Variants in COL6A2 observed in about 807,000 individuals in gnomAD.
COL6A2 encodes collagen alpha-2(VI) chain.
In COL6A2, 90 loss-of-function variants were observed where a neutral mutation model predicts 124.9. The observed-to-expected ratio is 0.72, with a 90% CI of 0.61 to 0.86. COL6A2 has a LOEUF of 0.86. COL6A2 is among the 40% of genes least tolerant of loss of function. COL6A2 has a pLI of 0.00. For missense variants in COL6A2, 1,607 were observed against 1,502.5 expected, an observed-to-expected ratio of 1.07 and a Z score of -1.15; for synonymous variants, 793 against 618.2, an observed-to-expected ratio of 1.28 and a Z score of -4.19.
chr21:46,103,508 T>G (rs2078308034), intron 1 of COL6A2, among the ~76,000 whole-genome samples: 1 of 152,190 alleles, frequency 6.6e-6, no homozygotes, highest in Admixed American at 6.5e-5. Flanking sequence ...AAGCTCCTAT[T>G]TGAGACCTGT....
At position 46,117,502 on chromosome 21, in the gene COL6A2, G is replaced by A. The variant is rs752462023; in HGVS notation, c.1053+49G>A. 5 of 1,584,410 alleles carry A rather than the reference G, an allele frequency of 3.2e-6. No individual in the cohort carries two copies. The Admixed American group carries it at 6.7e-5, about 21-fold the overall frequency. On this transcript the variant is annotated intron_variant, in intron 11 of 27. Coordinates refer to ENST00000300527, the MANE Select transcript of COL6A2 (RefSeq NM_001849.4). ...TTCAGCCTCGGCCCAGGGGGTGTGG[G>A]TGCCTGACCGGGTGGGAGGGTAGTT...
chr21:46,116,960 CT>C lies in COL6A2; in HGVS notation c.999+148del, dbSNP rs2078482408. 24 of 799,410 alleles carry C rather than the reference CT, an allele frequency of 3.0e-5. No homozygotes were observed. In the South Asian group the frequency reaches 3.7e-4, roughly 12 times the overall value. 49.5% of individuals were successfully genotyped at this position (799,410 alleles called of 1,614,324 possible). A position where few individuals can be genotyped will look rare whatever the true frequency, so the allele number is the denominator to read the frequency against. Reference sequence around the variant, plus strand: ...ACACACACACACACACACACACGAACTTCAGCTCCTGCCACATCCCACTGCC... The same window carrying C: ...ACACACACACACACACACACACGAACTCAGCTCCTGCCACATCCCACTGCC... On this transcript the variant is annotated intron_variant, in intron 10 of 27. Transcript: ENST00000300527. This position sits in a 1 kb window ranked among gnomAD's most constrained non-coding sequence, Gnocchi z 4.6.
intron 25 of COL6A2, 57 bp from the exon 26 acceptor site, chr21:46,125,728 T>A (rs552437497): frequency 6.2e-7 from 1 of 1,601,670 alleles, no homozygotes; most frequent in East Asian, 2.2e-5. Flanking sequence ...TCTGCATGGC[T>A]GGGGATGCCC....
intron 16 of COL6A2, 107 bp downstream of exon 16, chr21:46,120,684 C>A: frequency 9.0e-7 from 1 of 1,110,590 alleles, no homozygotes; most frequent in Non-Finnish European, 1.3e-6. Flanking sequence ...GGTAGGGGAC[C>A]CGGGTGGGTG....
Position 46,132,166 on chromosome 21 carries a change from T to G in COL6A2, c.2674T>G (p.Phe892Val). Reference protein sequence around the residue: ...FGGPGEQQVAFPLSHNLTAIH... With the variant: ...FGGPGEQQVAVPLSHNLTAIH... ...TGGCCCCGGCGAGCAGCAGGTGGCC[T>G]TCCCGCTGAGCCACAACCTCACGGC... The change falls in exon 28 of 28, where the codon TTC becomes GTC. Residue 892 changes from phenylalanine to valine, a missense_variant. Phe to Val is a conservative substitution (Grantham distance 50, BLOSUM62 -1). Coordinates refer to ENST00000300527, the MANE Select transcript of COL6A2 (RefSeq NM_001849.4). 6.4e-7 allele frequency: 1 copy of G among 1,570,084 alleles called. No individual in the cohort carries two copies. Among genetic ancestry groups the G allele is most frequent in the Non-Finnish European group, 8.6e-7 (1 of 1,159,146 alleles).
intron 1 of COL6A2, among the ~76,000 whole-genome samples, chr21:46,110,608 G>A (rs1056389252): frequency 3.9e-5 from 6 of 152,092 alleles, no homozygotes; most frequent in African/African-American, 1.4e-4. Context: ...GCCCTCTCCT[G>A]GCAGCGCCTC....
chr21:46,118,709 G>A (rs1012368767), intron 13 of COL6A2, 33 bp downstream of exon 13: 4 of 1,593,742 alleles, frequency 2.5e-6, no homozygotes, highest in Non-Finnish European at 3.4e-6. Context: ...CTGCAGCTGA[G>A]CTGGCCACAC....
chr21:46,117,344 C>T (rs376525657), intron 10 of COL6A2, 56 bp from the exon 11 acceptor site: 287 of 1,556,118 alleles, frequency 1.8e-4, no homozygotes, highest in Non-Finnish European at 2.5e-4. Flanking sequence ...TGGTCGTTGG[C>T]ACACATGGAC....
At position 46,115,523 on chromosome 21, in the gene COL6A2, C is replaced by T. The variant is rs563147023; in HGVS notation, c.802-349C>T. ...GAATTAATCTTTGTAGTGACGGTGA[C>T]CCAGGCATCGCTGGAGAATCAGAGC... On this transcript the variant is annotated intron_variant, in intron 5 of 27. Coordinates refer to ENST00000300527, the MANE Select transcript of COL6A2 (RefSeq NM_001849.4). 3.9e-5 allele frequency among the ~76,000 whole-genome samples: 6 copies of T among 152,324 alleles called. No individual in the cohort carries two copies. In the East Asian group the frequency reaches 1.2e-3, roughly 29 times the overall value.
intron 1 of COL6A2, among the ~76,000 whole-genome samples, chr21:46,108,598 T>A (rs2078360884): frequency 1.3e-5 from 2 of 152,216 alleles, no homozygotes; most frequent in African/African-American, 4.8e-5. Context: ...TTGTTGTTTC[T>A]TAGTTAGAAA....
intron 13 of COL6A2, 38 bp from the exon 14 acceptor site, chr21:46,118,992 C>A (rs777766046): frequency 8.7e-6 from 13 of 1,500,890 alleles, no homozygotes; most frequent in Non-Finnish European, 1.2e-5. Context: ...CTCAGGGCCC[C>A]TGCCTCTGGG....
chr21:46,120,556 G>A lies in COL6A2; in HGVS notation c.1374G>A (p.Glu458=). The A allele has an allele frequency of 6.8e-7, 1 of 1,470,508 alleles. No individual in the cohort carries two copies. Among genetic ancestry groups the A allele is most frequent in the Non-Finnish European group, 9.0e-7 (1 of 1,111,844 alleles). The allele number at this position is 1,470,508 out of a possible 1,614,324, so 91.1% of individuals were successfully genotyped here. A position where few individuals can be genotyped will look rare whatever the true frequency, so the allele number is the denominator to read the frequency against. Residue 458 remains glutamate, a synonymous_variant, in exon 16 of 28, where the codon GAG becomes GAA. Transcript: ENST00000300527. The part of the protein sequence containing the change: ...GPEGPRGLAG[E]VGNKGAKGDR... Reference sequence around the variant, plus strand: ...AGGGGCCCCGCGGCCTGGCTGGAGAGGTTGGCAACAAAGGAGCCAAGGTAG... The same window carrying A: ...AGGGGCCCCGCGGCCTGGCTGGAGAAGTTGGCAACAAAGGAGCCAAGGTAG...
chr21:46,126,887 G>A (rs752324601), intron 27 of COL6A2, among the ~76,000 whole-genome samples: 3 of 152,164 alleles, frequency 2.0e-5, no homozygotes, highest in Non-Finnish European at 1.5e-5. Context: ...GGCCGTGCAT[G>A]TGCCACTCGG....
rs1042930 is a variant in COL6A2 at position 46,132,084 on chromosome 21, G to A, written c.2592G>A (p.Thr864=). 3,444 of 1,600,688 alleles carry A rather than the reference G, an allele frequency of 2.2e-3. 61 individuals carry two copies. In the African/African-American group the frequency reaches 0.038, roughly 17 times the overall value. The change falls in exon 28 of 28, where the codon ACG becomes ACA. Residue 864 remains threonine (T), a synonymous_variant. Transcript: ENST00000300527. ...RFVEQVARRL[T]LARRDDDPLN... Reference sequence around the variant, plus strand: ...TGGAGCAGGTGGCGCGGCGGCTGACGCTGGCCCGGAGGGACGACGACCCTC... The same window carrying A: ...TGGAGCAGGTGGCGCGGCGGCTGACACTGGCCCGGAGGGACGACGACCCTC...
At chr21:46,119,957 C>A in intron 15 of COL6A2, 107 bp downstream of exon 15, 1 of 976,704 alleles carries the variant, frequency 1.0e-6, no homozygotes, top group Non-Finnish European at 1.6e-6. Context: ...AACCCCAGGG[C>A]CTCACTCTCC....
chr21:46,122,230 G>A, intron 19 of COL6A2, 72 bp downstream of exon 19: 1 of 1,543,176 alleles, frequency 6.5e-7, no homozygotes, highest in Non-Finnish European at 8.9e-7. Context: ...AAGATTCCTA[G>A]TAGTTCCCTC....
Position 46,116,573 on chromosome 21 carries a change from G to T in COL6A2, c.928-78G>T, listed in dbSNP as rs938640049. On this transcript the variant is annotated intron_variant, in intron 8 of 27. Transcript: ENST00000300527. The surrounding 1 kb of genome is among the most constrained non-coding windows in gnomAD (Gnocchi z 4.6). ...CTGTGGCCTTGAGTTTGGCCCAAGGGCTTTGCCCCCCAGAGGCAGCAGTGC... is the reference window on the plus strand; with the variant it reads ...CTGTGGCCTTGAGTTTGGCCCAAGGTCTTTGCCCCCCAGAGGCAGCAGTGC... 2.1e-5 allele frequency: 33 copies of T among 1,605,782 alleles called. No homozygotes were observed. In the African/African-American group the frequency reaches 3.7e-4, roughly 18 times the overall value.
intron 27 of COL6A2, among the ~76,000 whole-genome samples, chr21:46,131,368 G>A (rs1359606492): frequency 2.0e-5 from 3 of 152,190 alleles, no homozygotes; most frequent in East Asian, 1.9e-4. Context: ...AGAGTCATAG[G>A]GCAGAACCCA....
At chr21:46,099,497 G>A (rs945006076) in intron 1 of COL6A2, among the ~76,000 whole-genome samples, 1 of 150,470 alleles carries the variant, frequency 6.6e-6, no homozygotes, top group Non-Finnish European at 1.5e-5. Flanking sequence ...AGAAAGGCCC[G>A]GTGAGATGCT....
Sources: gnomAD v4.1 joint callset for allele counts (sites outside exome capture counted in the v4.1 genomes callset) on GRCh38, gnomAD v4.1.1 for gene constraint, Gnocchi (gnomAD v3.1) non-coding constraint, MANE v1.5 for transcripts, NCBI Gene and HGNC (gene_info 2026-07-23, HGNC 2026-07-21) for gene names.